The following ARHGAP32 variants were observed in gnomAD, a reference collection of about 807,000 sequenced individuals.
ARHGAP32 encodes the protein rho GTPase-activating protein 32.
In ARHGAP32, 51 loss-of-function variants were observed where a neutral mutation model predicts 186.5. That is an observed-to-expected ratio of 0.27 (90% CI 0.22 to 0.35). ARHGAP32 has a LOEUF of 0.35. ARHGAP32 is among the 10% of genes least tolerant of loss of function. The pLI is 1.00. For synonymous variants in ARHGAP32, 950 were observed against 964.3 expected (o/e 0.99, Z 0.27); for missense variants, 2,186 against 2,623.5 (o/e 0.83, Z 3.64).
chr11:128,971,042 C>G lies in ARHGAP32; in HGVS notation c.4171G>C (p.Ala1391Pro), dbSNP rs755601471. 91 of 1,613,934 alleles carry G rather than the reference C, an allele frequency of 5.6e-5. No homozygotes were observed. In the East Asian group the frequency reaches 1.8e-3, roughly 32 times the overall value. ...AAAAQCPMAT[A>P]VQPGLPEKVR... is the part of the protein sequence containing the mutation. ...TTCTCAGGCAGGCCTGGCTGGACAG[C>G]TGTAGCCATGGGACACTGAGCAGCA... Residue 1391 changes from alanine to proline, a missense_variant, in exon 23 of 23, where the codon GCT (alanine) becomes CCT (proline). By Grantham distance (27) the Ala-to-Pro change is conservative. Coordinates refer to ENST00000682385, the MANE Select transcript of ARHGAP32 (RefSeq NM_001378024.1).
At chr11:129,039,270 C>T (rs1166057802) in intron 11 of ARHGAP32, among the ~76,000 whole-genome samples, 1 of 152,098 alleles carries the variant, frequency 6.6e-6, no homozygotes, top group Non-Finnish European at 1.5e-5. Flanking sequence ...AACATATCCA[C>T]ATGTAATATT....
At chr11:129,165,897 T>C (rs1366963189) in intron 1 of ARHGAP32, among the ~76,000 whole-genome samples, 2 of 152,114 alleles carry the variant, frequency 1.3e-5, no homozygotes, top group African/African-American at 2.4e-5. Context: ...CAGTTACTTT[T>C]CTGAACACAG....
At position 129,052,291 on chromosome 11, in the gene ARHGAP32, A is replaced by T. The variant is rs1407765611; in HGVS notation, c.963+9989T>A. The stretch of plus-strand genomic sequence containing the variant: ...TTATCTATCTTTCCACCAATACCAC[A>T]CTCTCTTGAAAACTGTAGCTTTGTA... On this transcript the variant is annotated intron_variant, in intron 10 of 22. Coordinates refer to ENST00000682385, the MANE Select transcript of ARHGAP32 (RefSeq NM_001378024.1). 4.0e-5 allele frequency among the ~76,000 whole-genome samples: 6 copies of T among 151,646 alleles called. No homozygotes were observed. In the East Asian group the frequency reaches 7.8e-4, roughly 20 times the overall value.
At chr11:129,229,396 GAAGTT>G (rs1214226514) in intron 1 of ARHGAP32, among the ~76,000 whole-genome samples, 1 of 151,882 alleles carries the variant, frequency 6.6e-6, no homozygotes, top group Non-Finnish European at 1.5e-5. Flanking sequence ...TAATTTTCTG[GAAGTT>G]ATGTTTATAT....
At chr11:129,186,613 T>C (rs913561116) in intron 1 of ARHGAP32, among the ~76,000 whole-genome samples, 1 of 151,884 alleles carries the variant, frequency 6.6e-6, no homozygotes, top group Non-Finnish European at 1.5e-5. Context: ...GAGAAAATAT[T>C]TGCAAAAAGG....
intron 1 of ARHGAP32, among the ~76,000 whole-genome samples, chr11:129,212,667 T>C (rs1326152379): frequency 1.3e-5 from 2 of 152,172 alleles, no homozygotes; most frequent in African/African-American, 2.4e-5. Flanking sequence ...AGTACAATTG[T>C]AATGTTTTAG....
intron 10 of ARHGAP32, among the ~76,000 whole-genome samples, chr11:129,047,245 G>GCTCA (rs1939848946): frequency 6.6e-6 from 1 of 152,110 alleles, no homozygotes; most frequent in African/African-American, 2.4e-5. Flanking sequence ...TAGAAGCACT[G>GCTCA]CTCACTCCTC....
chr11:129,061,037 T>A (rs1239982097), intron 10 of ARHGAP32, among the ~76,000 whole-genome samples: 1 of 152,098 alleles, frequency 6.6e-6, no homozygotes, highest in Non-Finnish European at 1.5e-5. Context: ...TCTTATAATG[T>A]TTTAAATTGT....
Position 129,086,618 on chromosome 11 carries a change from G to A in ARHGAP32, c.531+7003C>T, listed in dbSNP as rs767047748. Among the ~76,000 whole-genome samples, 176 of 152,168 alleles carry A rather than the reference G, an allele frequency of 1.2e-3. 3 individuals carry two copies. The highest frequency in any genetic ancestry group is 1.4e-3 in the Non-Finnish European group (94 of 68,000). On this transcript the variant is annotated intron_variant, in intron 6 of 22. Coordinates refer to ENST00000682385, the MANE Select transcript of ARHGAP32 (RefSeq NM_001378024.1). ...GGGCGGATCACAAGGTCAGGAGATC[G>A]AGACCATCCCGGCTAGCACGGTGAA...
chr11:129,129,897 T>G (rs1432349970), intron 2 of ARHGAP32, among the ~76,000 whole-genome samples: 2 of 152,210 alleles, frequency 1.3e-5, no homozygotes, highest in Non-Finnish European at 2.9e-5. Flanking sequence ...TAACTTCACA[T>G]TTTGGTTGGT....
chr11:129,237,121 T>C (rs1321000743), intron 1 of ARHGAP32, among the ~76,000 whole-genome samples: 1 of 152,202 alleles, frequency 6.6e-6, no homozygotes, highest in East Asian at 1.9e-4. Context: ...TGGTAGATTA[T>C]CTTTTTGATA....
rs773509954 is a variant in ARHGAP32, at chr11:128,986,675, T to G, written c.1299-7A>C. ...CTCAGAGTCAAATTCATGGCTGACG[T>G]AGACAGAAGAGGACAAGCAAATCAT... On this transcript the variant is annotated splice_polypyrimidine_tract_variant and splice_region_variant and intron_variant, in intron 13 of 22. Coordinates refer to ENST00000682385, the MANE Select transcript of ARHGAP32 (RefSeq NM_001378024.1). 1 of 1,613,398 alleles carries G rather than the reference T, an allele frequency of 6.2e-7. No homozygotes were observed. The highest frequency in any genetic ancestry group is 1.1e-5 in the South Asian group (1 of 90,974).
At position 129,123,389 on chromosome 11, in the gene ARHGAP32, G is replaced by T; in HGVS notation, c.444+57C>A. ...ATACAGATATATAGATAAGCATCTAGATATAAAGGTAAATGTGTAAATCTT... is the reference window on the plus strand; with the variant it reads ...ATACAGATATATAGATAAGCATCTATATATAAAGGTAAATGTGTAAATCTT... On this transcript the variant is annotated intron_variant, in intron 5 of 22. Coordinates refer to ENST00000682385, the MANE Select transcript of ARHGAP32 (RefSeq NM_001378024.1). The surrounding 1 kb of genome is among the most constrained non-coding windows in gnomAD (Gnocchi z 4.6). 7.3e-7 allele frequency: 1 copy of T among 1,376,150 alleles called. No homozygotes were observed. The highest frequency in any genetic ancestry group is 1.0e-6 in the Non-Finnish European group (1 of 973,498). The allele number at this position is 1,376,150 out of a possible 1,614,324, so 85.2% of individuals were successfully genotyped here. A position where few individuals can be genotyped will look rare whatever the true frequency, so the allele number is the denominator to read the frequency against.
In ARHGAP32 at chr11:129,183,173, C is replaced by A. The variant is rs1442389352; in HGVS notation, c.116+8910G>T. Among the ~76,000 whole-genome samples, 4 of 151,998 alleles carry A rather than the reference C, an allele frequency of 2.6e-5. 1 individual carries two copies. The highest frequency in any genetic ancestry group is 2.6e-4 in the Admixed American group (4 of 15,244). On this transcript the variant is annotated intron_variant, in intron 1 of 22. Coordinates refer to ENST00000682385, the MANE Select transcript of ARHGAP32 (RefSeq NM_001378024.1). ...AACGTGGGTATATTTTCTAGGATTT[C>A]CATTCTACCCCATAATACTTCTCTT...
intron 5 of ARHGAP32, among the ~76,000 whole-genome samples, chr11:129,121,875 C>A (rs1942539296): frequency 2.6e-5 from 4 of 152,036 alleles, no homozygotes. Flanking sequence ...TTAACAAAAT[C>A]TCAGGAGAGC....
rs147355306 is a variant in ARHGAP32, at chr11:129,170,930, G to T, written c.117-6503C>A. ...TTTCTCTGATGATCAGTTATGTTGA[G>T]CTTCTTTTCATGTTTGTTGGCCACA... On this transcript the variant is annotated intron_variant, in intron 1 of 22. Coordinates refer to ENST00000682385, the MANE Select transcript of ARHGAP32 (RefSeq NM_001378024.1). Among the ~76,000 whole-genome samples the T allele has an allele frequency of 4.3e-4, 65 of 152,280 alleles. 1 individual carries two copies. In the East Asian group the frequency reaches 0.012, roughly 28 times the overall value.
At chr11:129,092,441 T>C (rs992004063) in intron 6 of ARHGAP32, among the ~76,000 whole-genome samples, 1 of 151,974 alleles carries the variant, frequency 6.6e-6, no homozygotes, top group Non-Finnish European at 1.5e-5. Flanking sequence ...TCACTTATCA[T>C]AAATGCACTC....
chr11:129,088,744 T>C (rs936499138), intron 6 of ARHGAP32, among the ~76,000 whole-genome samples: 1 of 152,034 alleles, frequency 6.6e-6, no homozygotes, highest in African/African-American at 2.4e-5. Flanking sequence ...TTTTTCATCT[T>C]AGTAATTATT....
chr11:129,011,052 C>T (rs1401034625), intron 11 of ARHGAP32, among the ~76,000 whole-genome samples: 3 of 152,124 alleles, frequency 2.0e-5, no homozygotes, highest in African/African-American at 7.2e-5. Flanking sequence ...CATGAGATTA[C>T]GATGGGGAAC....
Sources: allele counts gnomAD v4.1 joint callset (sites outside exome capture counted in the v4.1 genomes callset), GRCh38; gene constraint gnomAD v4.1.1; non-coding constraint Gnocchi (gnomAD v3.1); transcripts MANE v1.5; gene names NCBI Gene and HGNC (gene_info 2026-07-23, HGNC 2026-07-21).